The following DNAI4 variants were observed in gnomAD, a reference collection of about 807,000 sequenced individuals.
The protein encoded by DNAI4 is WD repeat domain 78.
In DNAI4, 85 loss-of-function variants were observed where a neutral mutation model predicts 105.8. That is an observed-to-expected ratio of 0.80 (90% CI 0.67 to 0.96). The LOEUF (loss-of-function observed/expected upper bound fraction) is 0.96. Ranked by LOEUF, DNAI4 falls within the 40% of genes least tolerant of loss-of-function variation. The pLI is 0.00. For synonymous variants in DNAI4, 352 were observed against 331.5 expected (o/e 1.06, Z -0.67); for missense variants, 1,014 against 1,005.6 (o/e 1.01, Z -0.11).
intron 4 of DNAI4, among the ~76,000 whole-genome samples, chr1:66,881,112 G>A (rs1265238896): frequency 6.6e-6 from 1 of 152,258 alleles, no homozygotes; most frequent in Admixed American, 6.5e-5. Context: ...TTTAGAGGAT[G>A]TATGGTAACG....
chr1:66,829,412 G>A (rs568450051), intron 13 of DNAI4, among the ~76,000 whole-genome samples: 3 of 152,232 alleles, frequency 2.0e-5, no homozygotes, highest in South Asian at 4.1e-4. Context: ...GTAAGCTGAA[G>A]TGGCTATACT....
chr1:66,862,881 T>C (rs764271424), intron 6 of DNAI4, among the ~76,000 whole-genome samples: 3 of 152,194 alleles, frequency 2.0e-5, no homozygotes, highest in Non-Finnish European at 4.4e-5. Context: ...AAAAAGACTT[T>C]TATGTTCCTT....
chr1:66,878,392 C>T (rs566464461), intron 4 of DNAI4, among the ~76,000 whole-genome samples: 29 of 152,182 alleles, frequency 1.9e-4, no homozygotes, highest in African/African-American at 7.0e-4. Flanking sequence ...TCTTTACTTG[C>T]TGGCTCATCT....
chr1:66,888,742 T>A (rs979541786), intron 4 of DNAI4, among the ~76,000 whole-genome samples: 1 of 152,194 alleles, frequency 6.6e-6, no homozygotes, highest in Non-Finnish European at 1.5e-5. Context: ...CTGGCCAAAG[T>A]GATATAAATA....
At chr1:66,924,631 A>G (rs922244855) in intron 1 of DNAI4, 31 bp downstream of exon 1, 6 of 1,613,826 alleles carry the variant, frequency 3.7e-6, no homozygotes, top group Non-Finnish European at 5.1e-6. Context: ...TCCCAGGGGG[A>G]TGGACTACGG....
intron 7 of DNAI4, chr1:66,860,882 T>C (rs1646611903): frequency 1.3e-5 from 2 of 152,192 alleles, no homozygotes; most frequent in South Asian, 4.1e-4. Flanking sequence ...AATGTTTCTT[T>C]AGTGATAACG....
At chr1:66,850,795 T>C (rs1646380454) in intron 7 of DNAI4, among the ~76,000 whole-genome samples, 2 of 151,988 alleles carry the variant, frequency 1.3e-5, no homozygotes, top group African/African-American at 4.8e-5. Flanking sequence ...TATGGACTAT[T>C]GTGTATGCAT....
intron 6 of DNAI4, among the ~76,000 whole-genome samples, chr1:66,866,773 AAATT>A (rs1298656946): frequency 2.0e-5 from 3 of 152,228 alleles, no homozygotes; most frequent in Non-Finnish European, 2.9e-5. Context: ...TTTACCTTCT[AAATT>A]TTGAAGGCAG....
chr1:66,915,150 A>G (rs1649974579), intron 1 of DNAI4, among the ~76,000 whole-genome samples: 1 of 152,234 alleles, frequency 6.6e-6, no homozygotes, highest in African/African-American at 2.4e-5. Context: ...TAAATAAGAC[A>G]TTAATATTGG....
intron 1 of DNAI4, among the ~76,000 whole-genome samples, chr1:66,924,114 T>C (rs1015433021): frequency 2.6e-5 from 4 of 152,220 alleles, no homozygotes; most frequent in Non-Finnish European, 5.9e-5. Context: ...CTAGAAGTGC[T>C]AGAACGATGG....
chr1:66,828,025 C>G (rs1645791395), intron 13 of DNAI4, 115 bp from the exon 14 acceptor site: 1 of 638,038 alleles, frequency 1.6e-6, no homozygotes, highest in African/African-American at 1.9e-5. Flanking sequence ...AAAATAAAAA[C>G]ACTATCTTGA....
intron 12 of DNAI4, 95 bp from the exon 13 acceptor site, chr1:66,833,801 G>C (rs1378476182): frequency 6.8e-7 from 1 of 1,480,510 alleles, no homozygotes. Flanking sequence ...AATAATATTA[G>C]TTCTGCCAAC....
At chr1:66,814,609 T>C (rs1012515762) in intron 16 of DNAI4, among the ~76,000 whole-genome samples, 12 of 152,076 alleles carry the variant, frequency 7.9e-5, no homozygotes, top group Admixed American at 2.6e-4. Context: ...ACCTCATGAT[T>C]CGCCCACCTT....
intron 1 of DNAI4, among the ~76,000 whole-genome samples, chr1:66,908,743 T>C (rs140451625): frequency 5.6e-4 from 86 of 152,322 alleles, no homozygotes; most frequent in African/African-American, 1.9e-3. Context: ...TTATGGGTCA[T>C]TAACTTAATC....
Position 66,837,735 on chromosome 1 carries a change from C to G in DNAI4, c.1556G>C (p.Cys519Ser). The change falls in exon 10 of 17, where the codon TGC becomes TCC. Residue 519 changes from cysteine to serine, a missense_variant. Cys to Ser is a moderately radical substitution (Grantham distance 112). Transcript: ENST00000371026. ...CATGGGATTCTTTATTGACCAGCAG[C>G]AAGCCAGTCCTCTTTTTTGCTCTTT... is the stretch of plus-strand genomic sequence containing the variant. ...GFKEQKRGLA[C>S]CWSIKNPMWP... The G allele has an allele frequency of 6.2e-7, 1 of 1,609,838 alleles. No homozygotes were observed. Among genetic ancestry groups the G allele is most frequent in the Non-Finnish European group, 8.5e-7 (1 of 1,178,446 alleles).
intron 6 of DNAI4, among the ~76,000 whole-genome samples, chr1:66,863,604 C>A (rs1646672535): frequency 6.6e-6 from 1 of 151,968 alleles, no homozygotes; most frequent in Non-Finnish European, 1.5e-5. Flanking sequence ...GGATTACAGG[C>A]ACCCACACCA....
intron 1 of DNAI4, among the ~76,000 whole-genome samples, chr1:66,913,983 CAA>C (rs530815410): frequency 1.8e-4 from 12 of 67,162 alleles, no homozygotes; most frequent in Non-Finnish European, 2.1e-4. Context: ...AACTCCGTCT[CAA>C]AAAAAAAAAA....
intron 2 of DNAI4, among the ~76,000 whole-genome samples, chr1:66,900,164 A>G (rs1304100692): frequency 4.6e-5 from 7 of 152,054 alleles, no homozygotes; most frequent in Middle Eastern, 3.4e-3. Flanking sequence ...CTGCCTCCCA[A>G]GTTTAAGCGA....
At chr1:66,885,855 A>C (rs1204675863) in intron 4 of DNAI4, among the ~76,000 whole-genome samples, 8 of 151,210 alleles carry the variant, frequency 5.3e-5, no homozygotes, top group African/African-American at 1.9e-4. Context: ...TTTTGCTTTG[A>C]TATTTATCTT....
Sources: allele counts gnomAD v4.1 joint callset (sites outside exome capture counted in the v4.1 genomes callset), GRCh38; gene constraint gnomAD v4.1.1; transcripts MANE v1.5; gene names NCBI Gene and HGNC (gene_info 2026-07-23, HGNC 2026-07-21).